The following ZPLD1 variants were observed in gnomAD, a reference collection of about 807,000 sequenced individuals.
ZPLD1 encodes zona pellucida like domain containing 1, also known as zona pellucida-like domain-containing protein 1.
Under a neutral mutation model 47.2 loss-of-function variants are expected in ZPLD1, and 34 were observed. That is an observed-to-expected ratio of 0.72 (90% CI 0.55 to 0.96). The LOEUF (loss-of-function observed/expected upper bound fraction) is 0.96, where lower values mean the gene tolerates loss of function less well. Among genes scored for constraint, ZPLD1 ranks in the 40% least tolerant of loss-of-function variants. The pLI is 0.00. For synonymous variants in ZPLD1, 176 were observed against 186.2 expected (o/e 0.95, Z 0.45); for missense variants, 512 against 505.8 (o/e 1.01, Z -0.12).
chr3:102,445,868 A>G (rs1353264412), intron 3 of ZPLD1, among the ~76,000 whole-genome samples: 2 of 152,228 alleles, frequency 1.3e-5, no homozygotes, highest in African/African-American at 4.8e-5. Flanking sequence ...ATACACTTAA[A>G]GAGATAAAAT....
Position 102,436,934 on chromosome 3 carries a change from C to G in ZPLD1, c.-48C>G, listed in dbSNP as rs10511195. On this transcript the variant is annotated 5_prime_UTR_variant, in exon 2 of 12. The change creates a new upstream start codon in the 5' untranslated region. Coordinates refer to ENST00000466937, the MANE Select transcript of ZPLD1 (RefSeq NM_001329788.2). ...TCTTCCAGGAGTTCTTGGGACCCAT[C>G]ATGAGAAGGAAGTGGTGGAGCATGG... is the stretch of plus-strand genomic sequence containing the variant. 0.15 allele frequency: 146,309 copies of G among 984,668 alleles called. 11,120 individuals are homozygous for G. Among genetic ancestry groups the G allele is most frequent in the Middle Eastern group, 0.17 (321 of 1,910 alleles). The allele number at this position is 984,668 out of a possible 1,614,324, so 61.0% of individuals were successfully genotyped here.
At chr3:102,435,401 G>T (rs1707074036) in intron 1 of ZPLD1, among the ~76,000 whole-genome samples, 2 of 152,098 alleles carry the variant, frequency 1.3e-5, no homozygotes, top group Admixed American at 1.3e-4. Context: ...AACCAATTAG[G>T]GATGTCACTA....
chr3:102,445,356 G>GA (rs1263726051), intron 3 of ZPLD1, among the ~76,000 whole-genome samples: 1 of 152,146 alleles, frequency 6.6e-6, no homozygotes. Flanking sequence ...ACCCCTTCAT[G>GA]ATTCTTGTCT....
chr3:102,400,772 C>A (rs1706610870), intron 7 of ZPLD1, among the ~76,000 whole-genome samples: 1 of 151,924 alleles, frequency 6.6e-6, no homozygotes, highest in Non-Finnish European at 1.5e-5. Context: ...GATGCAGCAA[C>A]CCATACACTA....
chr3:102,477,728 T>A lies in ZPLD1; in HGVS notation c.*110T>A. 1 of 1,069,616 alleles carries A rather than the reference T, an allele frequency of 9.3e-7. No individual in the cohort carries two copies. The highest frequency in any genetic ancestry group is 1.3e-6 in the Non-Finnish European group (1 of 759,858). 66.3% of individuals were successfully genotyped at this position (1,069,616 alleles called of 1,614,324 possible). ...TCAGTCCACATTCAATATTTGTAGG[T>A]TTGATAAATTTCACAGTATAGCTTG... On this transcript the variant is annotated 3_prime_UTR_variant, in exon 12 of 12. Coordinates refer to ENST00000466937, the MANE Select transcript of ZPLD1 (RefSeq NM_001329788.2).
chr3:102,437,541 C>T (rs564845277), intron 2 of ZPLD1, among the ~76,000 whole-genome samples: 2 of 152,194 alleles, frequency 1.3e-5, no homozygotes, highest in South Asian at 4.1e-4. Context: ...TTTCTTTTTG[C>T]TTTTTATGCG....
intron 6 of ZPLD1, among the ~76,000 whole-genome samples, chr3:102,390,274 G>T (rs115174461): frequency 0.013 from 1,908 of 152,240 alleles, 46 homozygotes; most frequent in African/African-American, 0.043. Flanking sequence ...CTTCAAAGCA[G>T]CTTCCCAACT....
At chr3:102,388,318 TA>T (rs1362305099) in intron 6 of ZPLD1, among the ~76,000 whole-genome samples, 1 of 152,292 alleles carries the variant, frequency 6.6e-6, no homozygotes, top group East Asian at 1.9e-4. Context: ...CTCATATTTG[TA>T]ATTTTTGGCA....
At chr3:102,433,272 A>C (rs552427907), upstream of ZPLD1, among the ~76,000 whole-genome samples, 17 of 152,312 alleles carry the variant, frequency 1.1e-4, no homozygotes, top group African/African-American at 3.6e-4. Flanking sequence ...GCGGTGCCAC[A>C]TAATAGTTGA....
intron 7 of ZPLD1, among the ~76,000 whole-genome samples, chr3:102,404,740 C>T (rs1706661837): frequency 6.6e-6 from 1 of 152,014 alleles, no homozygotes; most frequent in Non-Finnish European, 1.5e-5. Flanking sequence ...TGTGTATGGT[C>T]TGTATTTCCA....
At chr3:102,413,612 A>C (rs1369259134) in intron 7 of ZPLD1, among the ~76,000 whole-genome samples, 1 of 151,802 alleles carries the variant, frequency 6.6e-6, no homozygotes, top group South Asian at 2.1e-4. Flanking sequence ...CCCAATGGAC[A>C]TTCCCTATAA....
chr3:102,473,686 T>C lies in ZPLD1; in HGVS notation c.1042+3184T>C, dbSNP rs1036852860. Among the ~76,000 whole-genome samples, 16 of 152,330 alleles carry C rather than the reference T, an allele frequency of 1.1e-4. No homozygotes were observed. The South Asian group carries it at 3.3e-3, about 32-fold the overall frequency. ...ACATATACATATAAAGATGTTTACA[T>C]TGTAATACTATGATATCCATGAAAA... is the stretch of plus-strand genomic sequence containing the variant. On this transcript the variant is annotated intron_variant, in intron 10 of 11. Transcript: ENST00000466937.
rs143367101 is a variant in ZPLD1, at chr3:102,406,317, A to G, written c.-156-11743A>G. On this transcript the variant is annotated intron_variant, in intron 7 of 17. Coordinates refer to the ZPLD1 transcript ENST00000491959. ...AGAAGGGCACCCTTTTCTATGGCAT[A>G]AGCTTGACACACAACTACACAAGTT... Among the ~76,000 whole-genome samples, 1,286 of 152,078 alleles carry G rather than the reference A, an allele frequency of 8.5e-3. 73 individuals are homozygous for G. The highest frequency in any genetic ancestry group is 0.079 in the Admixed American group (1,203 of 15,246).
upstream of ZPLD1, among the ~76,000 whole-genome samples, chr3:102,432,369 G>T (rs1241089877): frequency 1.3e-5 from 2 of 152,172 alleles, no homozygotes; most frequent in African/African-American, 4.8e-5. Flanking sequence ...TCACATTTTT[G>T]TGAATCTGTA....
rs941310273 is a variant in ZPLD1 at position 102,479,566 on chromosome 3, A to G, written c.*1948A>G. On this transcript the variant is annotated 3_prime_UTR_variant, in exon 12 of 12. Transcript: ENST00000466937. ...ACTTGGGAAGCAACGTAAGTATCAC[A>G]TTATTTTTTGCCACCCTTTCATCAT... is the stretch of plus-strand genomic sequence containing the variant. The G allele has an allele frequency of 3.3e-5, 5 of 152,180 alleles. No homozygotes were observed. The highest frequency in any genetic ancestry group is 9.6e-5 in the African/African-American group (4 of 41,456). 9.4% of individuals were successfully genotyped at this position (152,180 alleles called of 1,614,324 possible).
At chr3:102,414,788 G>A (rs1437963887) in intron 7 of ZPLD1, among the ~76,000 whole-genome samples, 1 of 151,634 alleles carries the variant, frequency 6.6e-6, no homozygotes, top group African/African-American at 2.4e-5. Context: ...ACAAACAGAT[G>A]TTTAAGTATC....
At chr3:102,409,091 C>T (rs756819486) in intron 7 of ZPLD1, among the ~76,000 whole-genome samples, 2 of 151,736 alleles carry the variant, frequency 1.3e-5, no homozygotes, top group Non-Finnish European at 2.9e-5. Flanking sequence ...GTTTACTTGG[C>T]TTATCATTCT....
At chr3:102,394,906 A>G (rs576017984) in intron 7 of ZPLD1, among the ~76,000 whole-genome samples, 3 of 152,216 alleles carry the variant, frequency 2.0e-5, no homozygotes, top group African/African-American at 4.8e-5. Flanking sequence ...TCAAAAGATT[A>G]TTCTTAATTA....
intron 8 of ZPLD1, among the ~76,000 whole-genome samples, chr3:102,425,389 AAATGTTT>A (rs1371438476): frequency 6.6e-6 from 1 of 152,188 alleles, no homozygotes; most frequent in Non-Finnish European, 1.5e-5. Context: ...TCATGCCCGT[AAATGTTT>A]ATGTTCAAAT....
Sources: allele counts gnomAD v4.1 joint callset (sites outside exome capture counted in the v4.1 genomes callset), GRCh38; gene constraint gnomAD v4.1.1; transcripts MANE v1.5; gene names NCBI Gene and HGNC (gene_info 2026-07-23, HGNC 2026-07-21).